The following FHOD3 variants were observed in gnomAD, a reference collection of about 807,000 sequenced individuals.
The protein encoded by FHOD3 is formin homology 2 domain containing 3.
Under a neutral mutation model 173.0 loss-of-function variants are expected in FHOD3, and 90 were observed. The observed-to-expected ratio is 0.52, with a 90% CI of 0.44 to 0.62. The LOEUF (loss-of-function observed/expected upper bound fraction) is 0.62, where lower values mean the gene tolerates loss of function less well. Ranked by LOEUF, FHOD3 falls within the 20% of genes least tolerant of loss-of-function variation. The probability of loss-of-function intolerance (pLI) is 0.00; values close to 1 mark genes in which losing one functional copy is unlikely to be tolerated. For missense variants in FHOD3, 1,945 were observed against 2,034.7 expected (o/e 0.96, Z 0.85); for synonymous variants, 828 against 823.0 (o/e 1.01, Z -0.10).
In FHOD3 at chr18:36,504,045, C is replaced by T. The variant is rs549476588; in HGVS notation, c.405+2046C>T. Among the ~76,000 whole-genome samples the T allele has an allele frequency of 2.3e-3, 351 of 152,276 alleles. 3 individuals carry two copies. Among genetic ancestry groups the T allele is most frequent in the African/African-American group, 7.6e-3 (317 of 41,544 alleles). On this transcript the variant is annotated intron_variant, in intron 4 of 28. Transcript: ENST00000590592. ...GTTCAAGTGATTCTCCTGCCCCAGCCTCCTAATTGAGATTACAGGCATCCA... is the reference window on the plus strand; with the variant it reads ...GTTCAAGTGATTCTCCTGCCCCAGCTTCCTAATTGAGATTACAGGCATCCA...
intron 14 of FHOD3, among the ~76,000 whole-genome samples, chr18:36,663,549 T>C (rs1272643067): frequency 6.6e-6 from 1 of 152,244 alleles, no homozygotes; most frequent in East Asian, 1.9e-4. Flanking sequence ...TGACTGACAG[T>C]GCTATAGTAA....
At chr18:36,531,313 A>C (rs1231262402) in intron 5 of FHOD3, among the ~76,000 whole-genome samples, 2 of 151,856 alleles carry the variant, frequency 1.3e-5, no homozygotes, top group African/African-American at 4.8e-5. Context: ...CCTGCAACCC[A>C]CCCCTGCTCC....
intron 5 of FHOD3, among the ~76,000 whole-genome samples, chr18:36,550,125 C>A (rs1046684846): frequency 6.6e-6 from 1 of 151,116 alleles, no homozygotes; most frequent in African/African-American, 2.4e-5. Flanking sequence ...GAGAAAACTG[C>A]CTTTTCTCAG....
At chr18:36,602,895 G>A in intron 8 of FHOD3, 127 bp downstream of exon 8, 1 of 725,484 alleles carries the variant, frequency 1.4e-6, no homozygotes, top group African/African-American at 1.8e-5. Context: ...CTGGTTGTGA[G>A]GGTGGGCTCT....
At chr18:36,669,069 G>A (rs577626104) in intron 14 of FHOD3, among the ~76,000 whole-genome samples, 97 of 152,024 alleles carry the variant, frequency 6.4e-4, no homozygotes, top group African/African-American at 2.2e-3. Flanking sequence ...GTAATAAACT[G>A]CATTCTATAA....
At chr18:36,400,413 C>G (rs573776230) in intron 3 of FHOD3, among the ~76,000 whole-genome samples, 1 of 152,298 alleles carries the variant, frequency 6.6e-6, no homozygotes, top group South Asian at 2.1e-4. Context: ...GCCCCTACCC[C>G]CACAGCTCTT....
At chr18:36,691,996 C>T (rs1044566959) in intron 16 of FHOD3, among the ~76,000 whole-genome samples, 3 of 152,216 alleles carry the variant, frequency 2.0e-5, no homozygotes, top group Non-Finnish European at 4.4e-5. Flanking sequence ...ACATATCCGA[C>T]ATGAGTTCAG....
intron 5 of FHOD3, among the ~76,000 whole-genome samples, chr18:36,532,298 C>T (rs2056817464): frequency 6.6e-6 from 1 of 152,202 alleles, no homozygotes; most frequent in Non-Finnish European, 1.5e-5. Context: ...AGTCTTTAGT[C>T]TTGGTCTGTG....
At chr18:36,765,189 G>A (rs1305578919) in intron 27 of FHOD3, among the ~76,000 whole-genome samples, 1 of 152,204 alleles carries the variant, frequency 6.6e-6, no homozygotes, top group African/African-American at 2.4e-5. Context: ...GAGATGTCCT[G>A]CAGTCTTTAA....
At chr18:36,341,284 G>T (rs1477903308) in intron 1 of FHOD3, among the ~76,000 whole-genome samples, 2 of 152,150 alleles carry the variant, frequency 1.3e-5, no homozygotes, top group Admixed American at 1.3e-4. Context: ...TTGGGCTTCT[G>T]CTTTTGGCTA....
intron 6 of FHOD3, among the ~76,000 whole-genome samples, chr18:36,578,047 G>C (rs2058719674): frequency 6.6e-6 from 1 of 152,178 alleles, no homozygotes; most frequent in Admixed American, 6.5e-5. Context: ...CAGATGGAGT[G>C]GGGGATCTTG....
intron 3 of FHOD3, among the ~76,000 whole-genome samples, chr18:36,475,101 T>C: frequency 6.6e-6 from 1 of 152,018 alleles, no homozygotes; most frequent in Admixed American, 6.6e-5. Context: ...CTTGGCTTGT[T>C]TTATCTGTAA....
intron 5 of FHOD3, among the ~76,000 whole-genome samples, chr18:36,562,226 A>G (rs2147680523): frequency 6.6e-6 from 1 of 152,236 alleles, no homozygotes; most frequent in East Asian, 1.9e-4. Context: ...CATGTTGGCC[A>G]GTCTGGTCTT....
chr18:36,303,897 C>G (rs1184466423), intron 1 of FHOD3, among the ~76,000 whole-genome samples: 1 of 152,022 alleles, frequency 6.6e-6, no homozygotes, highest in East Asian at 1.9e-4. Context: ...GGGACTGTTT[C>G]TGAGCTTTGT....
intron 5 of FHOD3, among the ~76,000 whole-genome samples, chr18:36,536,835 T>C (rs1206904742): frequency 1.3e-5 from 2 of 152,174 alleles, no homozygotes; most frequent in African/African-American, 4.8e-5. Flanking sequence ...CCAATACAAA[T>C]GCCCAAAGAA....
At chr18:36,712,825 C>T (rs138604890) in intron 18 of FHOD3, among the ~76,000 whole-genome samples, 13 of 149,176 alleles carry the variant, frequency 8.7e-5, no homozygotes, top group African/African-American at 3.2e-4. Context: ...GATAATCAAA[C>T]TTATGAAAAC....
intron 3 of FHOD3, among the ~76,000 whole-genome samples, chr18:36,374,801 T>G (rs184687433): frequency 9.2e-5 from 14 of 152,332 alleles, no homozygotes; most frequent in Non-Finnish European, 1.5e-4. Context: ...TTTGCCACAA[T>G]AGCTGCGAGT....
chr18:36,424,249 G>A (rs1481099422), intron 3 of FHOD3, among the ~76,000 whole-genome samples: 1 of 152,136 alleles, frequency 6.6e-6, no homozygotes, highest in Non-Finnish European at 1.5e-5. Flanking sequence ...ACAGTACAGT[G>A]CCACATTTTT....
chr18:36,516,248 A>G (rs2055968914), intron 5 of FHOD3, among the ~76,000 whole-genome samples: 2 of 152,178 alleles, frequency 1.3e-5, no homozygotes, highest in South Asian at 4.1e-4. Context: ...GTGAGGGCAG[A>G]TGCAGATCAA....
Sources: allele counts gnomAD v4.1 joint callset (sites outside exome capture counted in the v4.1 genomes callset), GRCh38; gene constraint gnomAD v4.1.1; transcripts MANE v1.5; gene names NCBI Gene and HGNC (gene_info 2026-07-23, HGNC 2026-07-21).